C6: variants seen among roughly 807,000 people sequenced by gnomAD.
C6 encodes the protein complement component C6.
A neutral mutation model predicts 112.9 loss-of-function variants in C6; 101 were observed. The observed-to-expected ratio is 0.89, with a 90% CI of 0.76 to 1.06. C6 has a LOEUF of 1.06. C6 is among the 50% of genes least tolerant of loss of function. C6 has a pLI of 0.00. For missense variants in C6, 1,202 were observed against 1,104.6 expected, an observed-to-expected ratio of 1.09 and a Z score of -1.25; for synonymous variants, 431 against 384.1, an observed-to-expected ratio of 1.12 and a Z score of -1.43.
chr5:41,146,498 A>G lies in C6; in HGVS notation c.2623+2743T>C, dbSNP rs1040979361. Among the ~76,000 whole-genome samples the G allele has an allele frequency of 3.7e-4, 57 of 152,156 alleles. 1 individual carries two copies. Among genetic ancestry groups the G allele is most frequent in the Admixed American group, 5.9e-4 (9 of 15,264 alleles). On this transcript the variant is annotated intron_variant, in intron 17 of 17. Coordinates refer to ENST00000337836, the MANE Select transcript of C6 (RefSeq NM_000065.5). ...TTTCTCTGTCTTCATAAATGCTATC[A>G]TTTGTATATTGATACTTTTCTATAG...
rs530594382 is a variant in C6, at chr5:41,199,891, G to T, written c.322C>A (p.Arg108Ser). The T allele has an allele frequency of 2.5e-6, 4 of 1,613,608 alleles. No individual in the cohort carries two copies. Among genetic ancestry groups the T allele is most frequent in the Non-Finnish European group, 3.4e-6 (4 of 1,179,698 alleles). The part of the protein sequence containing the change: ...EKQSKVRSVL[R>S]PSQFGGQPCT... ...GGCTGTCCCCCAAACTGACTGGGAC[G>T]CAAGACAGATCTAACTTTAGACTGA... Residue 108 changes from arginine (R) to serine (S), a missense_variant, in exon 4 of 18, where the codon CGT (arginine) becomes AGT (serine). By Grantham distance (110) the Arg-to-Ser change is moderately radical. Coordinates refer to ENST00000337836, the MANE Select transcript of C6 (RefSeq NM_000065.5).
At chr5:41,172,428 C>A in intron 8 of C6, 81 bp from the exon 9 acceptor site, 2 of 1,351,040 alleles carry the variant, frequency 1.5e-6, no homozygotes, top group South Asian at 1.2e-5. Context: ...CTGGTCACTT[C>A]GGATCTACAG....
intron 10 of C6, among the ~76,000 whole-genome samples, chr5:41,160,644 A>G (rs777583532): frequency 3.3e-5 from 5 of 152,186 alleles, no homozygotes; most frequent in Non-Finnish European, 7.3e-5. Flanking sequence ...TTATTTATTA[A>G]GTATTCTATG....
At chr5:41,208,877 C>T (rs1751659035) in intron 1 of C6, among the ~76,000 whole-genome samples, 2 of 152,098 alleles carry the variant, frequency 1.3e-5, no homozygotes, top group East Asian at 3.9e-4. Flanking sequence ...TTTATGAGGC[C>T]AGCATCATCC....
chr5:41,161,987 AGCT>A, intron 9 of C6, 128 bp from the exon 10 acceptor site: 1 of 862,576 alleles, frequency 1.2e-6, no homozygotes, highest in Non-Finnish European at 1.8e-6. Context: ...CCATTAAGAA[AGCT>A]AAGTGAAAAA....
intron 1 of C6, among the ~76,000 whole-genome samples, chr5:41,223,472 T>C (rs1033038180): frequency 6.6e-6 from 1 of 152,194 alleles, no homozygotes; most frequent in Non-Finnish European, 1.5e-5. Flanking sequence ...ACATGGTACC[T>C]TCATAGCCCT....
chr5:41,217,971 A>G (rs1752252045), upstream of C6, among the ~76,000 whole-genome samples: 1 of 152,130 alleles, frequency 6.6e-6, no homozygotes, highest in African/African-American at 2.4e-5. Flanking sequence ...TCACAATCTA[A>G]TGTTTTGGTA....
intron 1 of C6, among the ~76,000 whole-genome samples, chr5:41,248,810 C>A (rs537475349): frequency 3.9e-5 from 6 of 152,266 alleles, no homozygotes; most frequent in Admixed American, 3.3e-4. Flanking sequence ...CCAGCAATCC[C>A]ATTACTGGGT....
intron 11 of C6, chr5:41,159,529 G>A (rs1353877729): frequency 1.1e-6 from 1 of 915,420 alleles, no homozygotes; most frequent in African/African-American, 1.8e-5. Context: ...CTGTATTCTT[G>A]GCTTTGGAGG....
chr5:41,247,428 T>A (rs1378300880), intron 1 of C6, among the ~76,000 whole-genome samples: 1 of 152,086 alleles, frequency 6.6e-6, no homozygotes, highest in Non-Finnish European at 1.5e-5. Flanking sequence ...CTATCTAATT[T>A]ACAATAGCCA....
chr5:41,159,509 T>C (rs988422669), intron 11 of C6: 7 of 980,018 alleles, frequency 7.1e-6, no homozygotes, highest in Non-Finnish European at 8.5e-6. Flanking sequence ...TTTCAACTGT[T>C]AAGAAACCTC....
At chr5:41,235,397 G>T (rs1740220437) in intron 1 of C6, among the ~76,000 whole-genome samples, 1 of 146,010 alleles carries the variant, frequency 6.8e-6, no homozygotes, top group Non-Finnish European at 1.5e-5. Flanking sequence ...CCCTACAAAG[G>T]ACATGAACTC....
chr5:41,183,103 A>T (rs936403128), intron 6 of C6, among the ~76,000 whole-genome samples: 1 of 152,198 alleles, frequency 6.6e-6, no homozygotes, highest in Non-Finnish European at 1.5e-5. Context: ...CATTGTGCAT[A>T]TATTCCTACC....
intron 1 of C6, among the ~76,000 whole-genome samples, chr5:41,232,060 G>T (rs1013780729): frequency 6.6e-6 from 1 of 151,932 alleles, no homozygotes; most frequent in African/African-American, 2.4e-5. Context: ...TTCTTGTTAG[G>T]ACTCCTAATT....
Position 41,159,195 on chromosome 5 carries a change from A to G in C6, c.1743T>C (p.Tyr581=), listed in dbSNP as rs1747232564. The G allele has an allele frequency of 6.2e-7, 1 of 1,613,434 alleles. No individual in the cohort carries two copies. The highest frequency in any genetic ancestry group is 1.7e-4 in the Middle Eastern group (1 of 6,056). The change falls in exon 12 of 18, where the codon TAT becomes TAC. Residue 581 remains tyrosine (Y), a synonymous_variant. Coordinates refer to ENST00000337836, the MANE Select transcript of C6 (RefSeq NM_000065.5). ...WSSWSTCDAT[Y]KRSRTRECNN... The stretch of plus-strand genomic sequence containing the variant: ...TGCATTCTCGGGTTCTCGATCTCTT[A>G]TAAGTAGCATCACAGGTACTCCAGG...
At chr5:41,175,708 C>T (rs1327411929) in intron 8 of C6, among the ~76,000 whole-genome samples, 1 of 152,194 alleles carries the variant, frequency 6.6e-6, no homozygotes, top group Non-Finnish European at 1.5e-5. Context: ...AGAATAATTT[C>T]TTCTGAGGGT....
chr5:41,200,246 C>T (rs1451191789), intron 3 of C6, among the ~76,000 whole-genome samples: 1 of 152,100 alleles, frequency 6.6e-6, no homozygotes, highest in East Asian at 1.9e-4. Flanking sequence ...TCCTCCAGGC[C>T]ATAACAGTAG....
intron 13 of C6, among the ~76,000 whole-genome samples, chr5:41,156,179 C>A (rs573114297): frequency 1.3e-5 from 2 of 152,138 alleles, no homozygotes; most frequent in Non-Finnish European, 2.9e-5. Context: ...TGCCATTCTT[C>A]GAACATAAAC....
intron 3 of C6, 79 bp downstream of exon 3, chr5:41,201,479 A>T: frequency 1.5e-6 from 2 of 1,304,452 alleles, no homozygotes; most frequent in South Asian, 1.2e-5. Context: ...ATTCAGCATT[A>T]CTATGCTGTT....
Sources: gnomAD v4.1 joint callset for allele counts (sites outside exome capture counted in the v4.1 genomes callset) on GRCh38, gnomAD v4.1.1 for gene constraint, MANE v1.5 for transcripts, NCBI Gene and HGNC (gene_info 2026-07-23, HGNC 2026-07-21) for gene names.